The following ARHGAP15 variants were observed in gnomAD, a reference collection of about 807,000 sequenced individuals.
ARHGAP15 encodes rho GTPase-activating protein 15.
In ARHGAP15, 51 loss-of-function variants were observed where a neutral mutation model predicts 63.7. The ratio of observed to expected loss-of-function variants is 0.80; its 90% CI spans 0.64 to 1.01. The LOEUF (loss-of-function observed/expected upper bound fraction) is 1.01. Among genes scored for constraint, ARHGAP15 ranks in the 50% least tolerant of loss-of-function variants. ARHGAP15 has a pLI of 0.00. For missense variants in ARHGAP15, 560 were observed against 564.6 expected (o/e 0.99, Z 0.08); for synonymous variants, 191 against 193.8 (o/e 0.99, Z 0.12).
chr2:143,295,612 C>T (rs1682599907), intron 6 of ARHGAP15: 1 of 151,896 alleles, frequency 6.6e-6, no homozygotes, highest in Non-Finnish European at 1.5e-5. Context: ...TAGAGAGGTA[C>T]TGAGAATGTC....
At chr2:143,468,213 CTTA>C (rs1691329635) in intron 8 of ARHGAP15, among the ~76,000 whole-genome samples, 1 of 151,484 alleles carries the variant, frequency 6.6e-6, no homozygotes, top group Non-Finnish European at 1.5e-5. Flanking sequence ...ACATTTCCAT[CTTA>C]TTCATCATAT....
chr2:143,482,954 G>A (rs1382027327), intron 8 of ARHGAP15, among the ~76,000 whole-genome samples: 5 of 152,120 alleles, frequency 3.3e-5, no homozygotes, highest in African/African-American at 7.2e-5. Context: ...AATTATTTAC[G>A]GCATCAGGAA....
chr2:143,398,180 G>T (rs1045857104), intron 6 of ARHGAP15, among the ~76,000 whole-genome samples: 1 of 152,100 alleles, frequency 6.6e-6, no homozygotes, highest in Non-Finnish European at 1.5e-5. Flanking sequence ...AAGAGGTGCT[G>T]GGGAAGGCAA....
At chr2:143,699,486 T>C (rs1165424866) in intron 12 of ARHGAP15, among the ~76,000 whole-genome samples, 2 of 152,208 alleles carry the variant, frequency 1.3e-5, no homozygotes, top group East Asian at 3.8e-4. Context: ...TTCTATAAAA[T>C]ATTCTTCATG....
At chr2:143,709,690 T>C (rs929782433) in intron 13 of ARHGAP15, among the ~76,000 whole-genome samples, 1 of 152,128 alleles carries the variant, frequency 6.6e-6, no homozygotes, top group Non-Finnish European at 1.5e-5. Context: ...TTCTCTGTGG[T>C]CTTCATGGAT....
At chr2:143,638,327 A>T (rs1017501863) in intron 12 of ARHGAP15, among the ~76,000 whole-genome samples, 68 of 150,068 alleles carry the variant, frequency 4.5e-4, no homozygotes, top group African/African-American at 1.6e-3. Flanking sequence ...AGCCATAAAA[A>T]ATGATGAGTT....
chr2:143,311,042 T>C (rs966580795), intron 6 of ARHGAP15, among the ~76,000 whole-genome samples: 1 of 152,046 alleles, frequency 6.6e-6, no homozygotes, highest in East Asian at 1.9e-4. Context: ...GGTTGTTATT[T>C]TTTCTCAAAA....
chr2:143,728,200 C>A (rs1685370839), intron 13 of ARHGAP15, among the ~76,000 whole-genome samples: 1 of 152,188 alleles, frequency 6.6e-6, no homozygotes, highest in Non-Finnish European at 1.5e-5. Context: ...CACATGGCCA[C>A]CTTCTTGCTG....
At chr2:143,456,201 G>T (rs1690644280) in intron 8 of ARHGAP15, among the ~76,000 whole-genome samples, 1 of 152,092 alleles carries the variant, frequency 6.6e-6, no homozygotes, top group Admixed American at 6.6e-5. Context: ...TCAGAATAGT[G>T]TCTGGAGTAT....
At chr2:143,673,748 GTGTGTGTGTGTA>G (rs1172347949) in intron 12 of ARHGAP15, among the ~76,000 whole-genome samples, 11 of 34,182 alleles carry the variant, frequency 3.2e-4, no homozygotes, top group South Asian at 2.0e-3. Context: ...GTGTGTGTGT[GTGTGTGTGTGTA>G]TATATATATA....
chr2:143,669,398 C>T (rs533961828), intron 12 of ARHGAP15, among the ~76,000 whole-genome samples: 114 of 152,270 alleles, frequency 7.5e-4, no homozygotes, highest in African/African-American at 2.6e-3. Context: ...GAGGAAAGCA[C>T]AAACTTAGAT....
intron 11 of ARHGAP15, among the ~76,000 whole-genome samples, chr2:143,566,188 G>T (rs748661098): frequency 6.6e-6 from 1 of 152,126 alleles, no homozygotes; most frequent in Non-Finnish European, 1.5e-5. Flanking sequence ...AGGTCTGAAT[G>T]ACTTAGAACC....
intron 2 of ARHGAP15, among the ~76,000 whole-genome samples, chr2:143,166,719 G>A (rs1320497257): frequency 6.6e-6 from 1 of 152,084 alleles, no homozygotes; most frequent in African/African-American, 2.4e-5. Context: ...TCTGTGTGTT[G>A]TATATCTCAA....
intron 13 of ARHGAP15, among the ~76,000 whole-genome samples, chr2:143,761,489 A>G (rs1477986858): frequency 3.3e-5 from 5 of 151,728 alleles, no homozygotes; most frequent in African/African-American, 1.2e-4. Context: ...GCAAGTCACT[A>G]TAGTAACAGC....
chr2:143,437,222 T>C (rs2105093982), intron 8 of ARHGAP15, 180 bp downstream of exon 8: 1 of 599,660 alleles, frequency 1.7e-6, no homozygotes, highest in African/African-American at 1.9e-5. Context: ...CACATCATTG[T>C]TGGTAATGCC....
intron 10 of ARHGAP15, among the ~76,000 whole-genome samples, chr2:143,529,183 C>T (rs915775979): frequency 6.6e-6 from 1 of 152,080 alleles, no homozygotes; most frequent in African/African-American, 2.4e-5. Context: ...TATTTCTTAA[C>T]TCAGCCCGCA....
chr2:143,738,250 G>A (rs1423916350), intron 13 of ARHGAP15, among the ~76,000 whole-genome samples: 5 of 138,404 alleles, frequency 3.6e-5, no homozygotes, highest in African/African-American at 9.9e-5. Flanking sequence ...TGTGCCTCAG[G>A]AAGTTAAATT....
At chr2:143,203,470 T>A (rs1692203957) in intron 3 of ARHGAP15, among the ~76,000 whole-genome samples, 1 of 152,130 alleles carries the variant, frequency 6.6e-6, no homozygotes, top group South Asian at 2.1e-4. Context: ...TAGGTCTATC[T>A]GAGCATTTAA....
intron 10 of ARHGAP15, among the ~76,000 whole-genome samples, chr2:143,540,592 C>T (rs1047194667): frequency 3.9e-5 from 6 of 152,160 alleles, no homozygotes; most frequent in Admixed American, 3.9e-4. Context: ...AATCTCTCAG[C>T]ATTTGCTTGT....
Sources: allele counts gnomAD v4.1 joint callset (sites outside exome capture counted in the v4.1 genomes callset), GRCh38; gene constraint gnomAD v4.1.1; transcripts MANE v1.5; gene names NCBI Gene and HGNC (gene_info 2026-07-23, HGNC 2026-07-21).